Variants in SCN1A observed in about 807,000 individuals in gnomAD.
The protein encoded by SCN1A is sodium channel protein type 1 subunit alpha.
In SCN1A, 13 loss-of-function variants were observed where a neutral mutation model predicts 193.7. The ratio of observed to expected loss-of-function variants is 0.07; its 90% CI spans 0.04 to 0.11. The LOEUF is 0.11. Ranked by LOEUF, SCN1A falls within the 10% of genes least tolerant of loss-of-function variation. SCN1A has a pLI of 1.00. For synonymous variants in SCN1A, 781 were observed against 843.6 expected (o/e 0.93, Z 1.29); for missense variants, 1,432 against 2,451.1 (o/e 0.58, Z 8.78).
At chr2:166,074,104 A>G (rs1169489570) in intron 3 of SCN1A, among the ~76,000 whole-genome samples, 1 of 152,214 alleles carries the variant, frequency 6.6e-6, no homozygotes, top group Non-Finnish European at 1.5e-5. Flanking sequence ...AGGTCTGACA[A>G]GTGATTCCTG....
intron 4 of SCN1A, among the ~76,000 whole-genome samples, chr2:166,066,813 A>G: frequency 6.6e-6 from 1 of 152,186 alleles, no homozygotes; most frequent in South Asian, 2.1e-4. Context: ...ATTTTTAACA[A>G]TGTAAAGTGG....
At chr2:166,009,673 T>G in intron 23 of SCN1A, 46 bp downstream of exon 23, 1 of 1,537,696 alleles carries the variant, frequency 6.5e-7, no homozygotes, top group South Asian at 1.2e-5. Flanking sequence ...TAATTTAGTT[T>G]AATTTTGGCT....
intron 11 of SCN1A, 105 bp downstream of exon 11, chr2:166,047,522 G>C: frequency 7.7e-7 from 1 of 1,299,182 alleles, no homozygotes; most frequent in Non-Finnish European, 1.1e-6. Context: ...CTCGTTTCAA[G>C]TTCTGCTCTT....
intron 4 of SCN1A, among the ~76,000 whole-genome samples, chr2:166,072,383 G>A (rs964644652): frequency 2.6e-5 from 4 of 152,216 alleles, no homozygotes; most frequent in African/African-American, 7.2e-5. Context: ...CTTAACATAA[G>A]ATTCATTTCA....
At chr2:166,103,819 T>C (rs1688401207) in intron 2 of SCN1A, among the ~76,000 whole-genome samples, 1 of 152,172 alleles carries the variant, frequency 6.6e-6, no homozygotes, top group Admixed American at 6.5e-5. Context: ...CTTTAGACTT[T>C]ACCATACAAC....
In SCN1A at chr2:165,994,431, A is replaced by G. The variant is rs1689730292; in HGVS notation, c.4582-15T>C. The G allele has an allele frequency of 6.2e-7, 1 of 1,611,850 alleles. No homozygotes were observed. Among genetic ancestry groups the G allele is most frequent in the East Asian group, 2.2e-5 (1 of 44,766 alleles). ...TGAAATTTGTTCTGTAGAGAAATAG[A>G]AATGCTTTTAACAACAAAGGAGTTT... On this transcript the variant is annotated splice_polypyrimidine_tract_variant and intron_variant, in intron 27 of 28. Coordinates refer to ENST00000674923, the MANE Select transcript of SCN1A (RefSeq NM_001165963.4).
rs11394960 is a variant in SCN1A, at chr2:166,041,479, G to GAAA, written c.2177-13_2177-11dup. On this transcript the variant is annotated splice_polypyrimidine_tract_variant and intron_variant, in intron 15 of 28. Coordinates refer to ENST00000674923, the MANE Select transcript of SCN1A (RefSeq NM_001165963.4). ...CTGGATTCTTCAAGTTCTAGATTAA[G>GAAA]AAAAAAAAAAAAAAGAACCACCAAA... 9.2e-4 allele frequency: 1,044 copies of GAAA among 1,130,840 alleles called. No homozygotes were observed. Among genetic ancestry groups the GAAA allele is most frequent in the South Asian group, 1.5e-3 (106 of 71,782 alleles). 70.1% of individuals were successfully genotyped at this position (1,130,840 alleles called of 1,614,324 possible).
chr2:166,114,290 C>A (rs1359203572), intron 2 of SCN1A, among the ~76,000 whole-genome samples: 1 of 152,108 alleles, frequency 6.6e-6, no homozygotes, highest in East Asian at 1.9e-4. Flanking sequence ...AGCAGGAAAA[C>A]ATCTGAGAGT....
At chr2:166,006,475 A>G (rs1044439947) in intron 23 of SCN1A, among the ~76,000 whole-genome samples, 1 of 151,550 alleles carries the variant, frequency 6.6e-6, no homozygotes, top group East Asian at 1.9e-4. Context: ...GGAGTTACTT[A>G]TTCTAAGAAG....
Position 166,043,816 on chromosome 2 carries a change from C to T in SCN1A, c.1896G>A (p.Leu632=). 6.2e-7 allele frequency: 1 copy of T among 1,614,178 alleles called. No individual in the cohort carries two copies. Among genetic ancestry groups the T allele is most frequent in the Non-Finnish European group, 8.5e-7 (1 of 1,180,026 alleles). The change falls in exon 14 of 29, where the codon CTG becomes CTA. Residue 632 remains leucine (L), a synonymous_variant. Coordinates refer to ENST00000674923, the MANE Select transcript of SCN1A (RefSeq NM_001165963.4). ...LSQTSRSSRM[L]AVFPANGKMH... is the part of the protein sequence containing the mutation. ...TCTTCCCATTCGCTGGAAACACTGCCAGCATCCGGGATGACCTACTGGTCT... is the reference window on the plus strand; with the variant it reads ...TCTTCCCATTCGCTGGAAACACTGCTAGCATCCGGGATGACCTACTGGTCT...
intron 9 of SCN1A, among the ~76,000 whole-genome samples, chr2:166,050,194 GC>G (rs1559234114): frequency 6.6e-6 from 1 of 151,732 alleles, no homozygotes; most frequent in Non-Finnish European, 1.5e-5. Context: ...ATGAAGTTTT[GC>G]CCATTAAATT....
chr2:166,103,403 T>G (rs1688340477), intron 2 of SCN1A, among the ~76,000 whole-genome samples: 1 of 151,552 alleles, frequency 6.6e-6, no homozygotes, highest in African/African-American at 2.4e-5. Flanking sequence ...GTGAGCCGAG[T>G]TCGCACCGCT....
rs1340816338 is a variant in SCN1A at position 166,056,545 on chromosome 2, G to GT, written c.384-46dup. On this transcript the variant is annotated intron_variant, in intron 5 of 28. Transcript: ENST00000674923. ...CACACAAAAGAAAATCAAAATCCAA[G>GT]TGTTATATTACAAAAAGCTAACATT... 4 of 1,364,134 alleles carry GT rather than the reference G, an allele frequency of 2.9e-6. No individual in the cohort carries two copies. The African/African-American group carries it at 5.7e-5, about 20-fold the overall frequency. The allele number at this position is 1,364,134 out of a possible 1,614,324, so 84.5% of individuals were successfully genotyped here.
chr2:166,137,879 G>T (rs1375297691), intron 1 of SCN1A, among the ~76,000 whole-genome samples: 12 of 152,176 alleles, frequency 7.9e-5, no homozygotes, highest in Non-Finnish European at 2.9e-5. Context: ...TTGTTGAATG[G>T]CTTTGACCAA....
At chr2:166,025,940 T>C (rs1378910882) in intron 19 of SCN1A, among the ~76,000 whole-genome samples, 1 of 152,164 alleles carries the variant, frequency 6.6e-6, no homozygotes, top group Non-Finnish European at 1.5e-5. Context: ...TTTATTATGC[T>C]TTTATTCAAT....
intron 2 of SCN1A, among the ~76,000 whole-genome samples, chr2:166,096,199 C>T (rs1687356882): frequency 6.6e-6 from 1 of 152,194 alleles, no homozygotes; most frequent in Non-Finnish European, 1.5e-5. Flanking sequence ...TTACTATCAA[C>T]TGACACTGAA....
rs1471016109 is a variant in SCN1A, at chr2:165,987,646, C to T, written c.*3599G>A. ...CATTTATTTTGATGCTCAACTTGCCCCAGATTTGGCCAGTGGGAAGCCCCT... is the reference window on the plus strand; with the variant it reads ...CATTTATTTTGATGCTCAACTTGCCTCAGATTTGGCCAGTGGGAAGCCCCT... On this transcript the variant is annotated 3_prime_UTR_variant, in exon 29 of 29. Transcript: ENST00000674923. 7.2e-5 allele frequency: 11 copies of T among 152,040 alleles called. No homozygotes were observed. The highest frequency in any genetic ancestry group is 1.6e-4 in the Non-Finnish European group (11 of 68,010). The allele number at this position is 152,040 out of a possible 1,614,324, so 9.4% of individuals were successfully genotyped here.
At chr2:166,003,276 G>T (rs1299210018) in intron 23 of SCN1A, among the ~76,000 whole-genome samples, 1 of 151,292 alleles carries the variant, frequency 6.6e-6, no homozygotes, top group Non-Finnish European at 1.5e-5. Context: ...TTCATGCATT[G>T]CTATGACTAA....
At chr2:166,067,282 T>C (rs879831252) in intron 4 of SCN1A, among the ~76,000 whole-genome samples, 2 of 152,054 alleles carry the variant, frequency 1.3e-5, no homozygotes, top group African/African-American at 4.8e-5. Flanking sequence ...GTGATGTTGA[T>C]AAAAATGAAT....
Sources: gnomAD v4.1 joint callset for allele counts (sites outside exome capture counted in the v4.1 genomes callset) on GRCh38, gnomAD v4.1.1 for gene constraint, MANE v1.5 for transcripts, NCBI Gene and HGNC (gene_info 2026-07-23, HGNC 2026-07-21) for gene names.